TMEM132B: variants seen among roughly 807,000 people sequenced by gnomAD.
The protein encoded by TMEM132B is transmembrane protein 132B.
In TMEM132B, 18 loss-of-function variants were observed where a neutral mutation model predicts 90.8. The ratio of observed to expected loss-of-function variants is 0.20; its 90% CI spans 0.14 to 0.29. TMEM132B has a LOEUF of 0.29. Among genes scored for constraint, TMEM132B ranks in the 10% least tolerant of loss-of-function variants. The pLI is 1.00. For missense variants in TMEM132B, 1,096 were observed against 1,326.8 expected (o/e 0.83, Z 2.70); for synonymous variants, 504 against 523.3 (o/e 0.96, Z 0.50).
rs536216894 is a variant in TMEM132B, at chr12:125,422,224, A to C, written c.1106+6547A>C. Among the ~76,000 whole-genome samples, 11 of 152,380 alleles carry C rather than the reference A, an allele frequency of 7.2e-5. No homozygotes were observed. The East Asian group carries it at 1.9e-3, about 27-fold the overall frequency. On this transcript the variant is annotated intron_variant, in intron 3 of 8. Coordinates refer to ENST00000682704, the MANE Select transcript of TMEM132B (RefSeq NM_001366854.1). ...AAAGTGGATATGGAACGTTATTATT[A>C]TTCCCATTTAACAGATGTGTAAATT...
intron 2 of TMEM132B, among the ~76,000 whole-genome samples, chr12:125,364,260 C>T (rs1878055162): frequency 6.6e-6 from 1 of 152,068 alleles, no homozygotes; most frequent in South Asian, 2.1e-4. Context: ...TTATTCCTCT[C>T]CATACTCTTT....
At chr12:125,342,135 T>TA (rs1877202384) in intron 1 of TMEM132B, among the ~76,000 whole-genome samples, 1 of 152,256 alleles carries the variant, frequency 6.6e-6, no homozygotes, top group Non-Finnish European at 1.5e-5. Flanking sequence ...TCTGACTTTT[T>TA]ATCTAAGATT....
At chr12:125,550,312 C>T (rs1403617279) in intron 4 of TMEM132B, among the ~76,000 whole-genome samples, 1 of 152,180 alleles carries the variant, frequency 6.6e-6, no homozygotes, top group Non-Finnish European at 1.5e-5. Flanking sequence ...TCTCCCTCAG[C>T]CCTAGAGGTG....
intron 3 of TMEM132B, among the ~76,000 whole-genome samples, chr12:125,424,285 C>T (rs558591926): frequency 2.0e-5 from 3 of 152,264 alleles, no homozygotes; most frequent in East Asian, 1.9e-4. Context: ...ATACGTGATG[C>T]GTTTTTAAGT....
intron 4 of TMEM132B, among the ~76,000 whole-genome samples, chr12:125,560,266 A>C (rs990449414): frequency 6.6e-6 from 1 of 152,186 alleles, no homozygotes; most frequent in Non-Finnish European, 1.5e-5. Flanking sequence ...CTCCAGAATG[A>C]AGTGGTCCTA....
chr12:125,517,487 C>T (rs188621557), intron 3 of TMEM132B, among the ~76,000 whole-genome samples: 68 of 152,044 alleles, frequency 4.5e-4, no homozygotes, highest in Non-Finnish European at 8.4e-4. Flanking sequence ...CCACCACGCC[C>T]GGCCCAACAC....
At chr12:125,388,301 C>T (rs1878906224) in intron 2 of TMEM132B, among the ~76,000 whole-genome samples, 1 of 151,958 alleles carries the variant, frequency 6.6e-6, no homozygotes, top group Non-Finnish European at 1.5e-5. Flanking sequence ...TGGTGGTGCA[C>T]GTCTGTAATC....
chr12:125,565,367 C>T (rs146980197), intron 4 of TMEM132B, among the ~76,000 whole-genome samples: 12 of 152,330 alleles, frequency 7.9e-5, no homozygotes, highest in African/African-American at 1.9e-4. Context: ...CTCTGGGCTC[C>T]GGCCCCACAG....
chr12:125,440,073 T>C (rs1880825152), intron 3 of TMEM132B, among the ~76,000 whole-genome samples: 1 of 152,232 alleles, frequency 6.6e-6, no homozygotes, highest in Non-Finnish European at 1.5e-5. Flanking sequence ...AGTTTGCAAG[T>C]ATTTTGTTGA....
intron 4 of TMEM132B, among the ~76,000 whole-genome samples, chr12:125,527,597 T>TATCCACCCATCCACCCTTCC (rs1883525700): frequency 2.2e-5 from 1 of 44,648 alleles, no homozygotes; most frequent in Non-Finnish European, 4.6e-5. Flanking sequence ...TTTACCCTTC[T>TATCCACCCATCCACCCTTCC]ATCCACCCAT....
At chr12:125,224,479 T>C (rs990243509) in intron 1 of TMEM132B, among the ~76,000 whole-genome samples, 1 of 152,210 alleles carries the variant, frequency 6.6e-6, no homozygotes, top group Non-Finnish European at 1.5e-5. Context: ...GACAGAGAGC[T>C]CTCCTTGACC....
At chr12:125,647,408 A>G (rs1230233860) in intron 6 of TMEM132B, among the ~76,000 whole-genome samples, 1 of 152,236 alleles carries the variant, frequency 6.6e-6, no homozygotes, top group Non-Finnish European at 1.5e-5. Flanking sequence ...CCATGTGAAG[A>G]CACATAGTAA....
At chr12:125,223,357 G>A in intron 1 of TMEM132B, among the ~76,000 whole-genome samples, 1 of 152,188 alleles carries the variant, frequency 6.6e-6, no homozygotes, top group African/African-American at 2.4e-5. Flanking sequence ...ACCTTCAACA[G>A]TTTATTCTTG....
At chr12:125,613,119 C>A (rs868369448) in intron 5 of TMEM132B, among the ~76,000 whole-genome samples, 6 of 76,282 alleles carry the variant, frequency 7.9e-5, no homozygotes, top group East Asian at 3.6e-4. Flanking sequence ...AAATATATAT[C>A]ATATATATTT....
At chr12:125,570,631 G>C (rs1884767963) in intron 4 of TMEM132B, among the ~76,000 whole-genome samples, 1 of 152,184 alleles carries the variant, frequency 6.6e-6, no homozygotes, top group African/African-American at 2.4e-5. Context: ...GATAATAAAT[G>C]ATCCGAGTCT....
rs377121515 is a variant in TMEM132B, at chr12:125,455,218, A to C, written c.1106+39541A>C. Among the ~76,000 whole-genome samples, 209 of 152,144 alleles carry C rather than the reference A, an allele frequency of 1.4e-3. 2 individuals are homozygous for C. The highest frequency in any genetic ancestry group is 4.9e-3 in the African/African-American group (204 of 41,502). ...TGGAAGGAGTAAGAATAAAGACCCG[A>C]CTAGGGGGAGAGAGAGGAGAGGGAA... is the stretch of plus-strand genomic sequence containing the variant. On this transcript the variant is annotated intron_variant, in intron 3 of 8. Coordinates refer to ENST00000682704, the MANE Select transcript of TMEM132B (RefSeq NM_001366854.1).
chr12:125,417,994 A>T (rs1189478113), intron 3 of TMEM132B, among the ~76,000 whole-genome samples: 9 of 152,156 alleles, frequency 5.9e-5, no homozygotes, highest in East Asian at 5.8e-4. Context: ...TGGGGACAGG[A>T]GATGGAGTGG....
At chr12:125,563,829 T>C (rs886591) in intron 4 of TMEM132B, among the ~76,000 whole-genome samples, 144,908 of 152,254 alleles carry the variant, frequency 0.95, 69,000 homozygotes, top group African/African-American at 0.98. Flanking sequence ...GCAGGCACCT[T>C]GAGATGAAAG....
intron 1 of TMEM132B, among the ~76,000 whole-genome samples, chr12:125,252,732 A>G (rs2136103551): frequency 6.6e-6 from 1 of 152,204 alleles, no homozygotes; most frequent in Middle Eastern, 3.4e-3. Flanking sequence ...CTGCCCCATG[A>G]CCAAGGATGA....
Sources: allele counts gnomAD v4.1 joint callset (sites outside exome capture counted in the v4.1 genomes callset), GRCh38; gene constraint gnomAD v4.1.1; transcripts MANE v1.5; gene names NCBI Gene and HGNC (gene_info 2026-07-23, HGNC 2026-07-21).